ASIC2: variants seen among roughly 807,000 people sequenced by gnomAD.
ASIC2 encodes acid sensing ion channel subunit 2.
Under a neutral mutation model 57.3 loss-of-function variants are expected in ASIC2, and 25 were observed. That is an observed-to-expected ratio of 0.44 (90% CI 0.32 to 0.61). The LOEUF is 0.61. ASIC2 is among the 20% of genes least tolerant of loss of function. ASIC2 has a pLI of 0.06. For synonymous variants in ASIC2, 319 were observed against 307.5 expected (o/e 1.04, Z -0.39); for missense variants, 641 against 738.1 (o/e 0.87, Z 1.52).
chr17:33,884,162 G>T (rs1914769508), intron 1 of ASIC2, among the ~76,000 whole-genome samples: 1 of 152,196 alleles, frequency 6.6e-6, no homozygotes, highest in South Asian at 2.1e-4. Context: ...GGGCTCTCTT[G>T]CTCTTTGGCT....
At chr17:33,405,269 C>T (rs1237532756) in intron 1 of ASIC2, among the ~76,000 whole-genome samples, 1 of 151,948 alleles carries the variant, frequency 6.6e-6, no homozygotes, top group Admixed American at 6.6e-5. Flanking sequence ...TGGTAGGGGG[C>T]TGCTTTGGAT....
At chr17:33,725,327 T>A (rs1233411935) in intron 1 of ASIC2, among the ~76,000 whole-genome samples, 3 of 152,216 alleles carry the variant, frequency 2.0e-5, no homozygotes, top group Non-Finnish European at 2.9e-5. Flanking sequence ...AAAGCCATAA[T>A]GACAACATTA....
chr17:34,004,646 T>C (rs1484373451), intron 1 of ASIC2: 1 of 152,174 alleles, frequency 6.6e-6, no homozygotes, highest in Non-Finnish European at 1.5e-5. Context: ...TCTGCTTCTG[T>C]TTAGTGAGAA....
chr17:34,141,143 G>A (rs186204206), intron 1 of ASIC2, among the ~76,000 whole-genome samples: 39 of 132,638 alleles, frequency 2.9e-4, no homozygotes, highest in African/African-American at 1.1e-3. Flanking sequence ...TGTGCAAGAT[G>A]ACTGGCCTTG....
chr17:33,169,373 C>T (rs1905422509), intron 1 of ASIC2, among the ~76,000 whole-genome samples: 1 of 152,110 alleles, frequency 6.6e-6, no homozygotes, highest in Admixed American at 6.5e-5. Flanking sequence ...AGCATTTGAA[C>T]AAAACAATAA....
At chr17:33,799,439 T>TTCC (rs1383734169) in intron 1 of ASIC2, among the ~76,000 whole-genome samples, 4 of 59,046 alleles carry the variant, frequency 6.8e-5, no homozygotes, top group African/African-American at 2.4e-4. Flanking sequence ...TCTTTCTTTC[T>TTCC]TTCTTTCTTT....
At chr17:33,951,560 C>CT (rs1904566802) in intron 1 of ASIC2, among the ~76,000 whole-genome samples, 1 of 151,080 alleles carries the variant, frequency 6.6e-6, no homozygotes, top group Admixed American at 6.6e-5. Context: ...ATTCTTCCCT[C>CT]TTTTTTCTTT....
At chr17:33,707,884 A>G (rs1472005953) in intron 1 of ASIC2, among the ~76,000 whole-genome samples, 2 of 151,726 alleles carry the variant, frequency 1.3e-5, no homozygotes, top group African/African-American at 4.8e-5. Context: ...TATCTGTAAG[A>G]CTCTTCTCTC....
chr17:33,187,905 G>GAAAAAAAA (rs60454518), intron 1 of ASIC2, among the ~76,000 whole-genome samples: 3 of 90,716 alleles, frequency 3.3e-5, no homozygotes, highest in Non-Finnish European at 5.1e-5. Context: ...GGTCAGGGAT[G>GAAAAAAAA]AAAAAAAAAA....
At position 33,495,027 on chromosome 17, in the gene ASIC2, G is replaced by A. The variant is rs527922170; in HGVS notation, c.556-382960C>T. ...CATCAGAACCACCTGCAAAGAAGAA[G>A]TGAATTGAATTAAAGGTTTCTGGAG... On this transcript the variant is annotated intron_variant, in intron 1 of 9. Transcript: ENST00000359872. 1.4e-4 allele frequency among the ~76,000 whole-genome samples: 21 copies of A among 152,318 alleles called. No homozygotes were observed. In the South Asian group the frequency reaches 3.5e-3, roughly 26 times the overall value.
intron 1 of ASIC2, among the ~76,000 whole-genome samples, chr17:33,898,220 CTTT>C (rs771624171): frequency 9.1e-5 from 6 of 66,178 alleles, no homozygotes; most frequent in African/African-American, 3.6e-4. Context: ...CATGTATAAT[CTTT>C]TTTTTTTTTT....
At chr17:33,579,552 A>T (rs1406883826) in intron 1 of ASIC2, among the ~76,000 whole-genome samples, 1 of 152,154 alleles carries the variant, frequency 6.6e-6, no homozygotes. Context: ...TTCAAGAATG[A>T]AAGGGCAGAC....
intron 1 of ASIC2, among the ~76,000 whole-genome samples, chr17:33,317,558 C>T (rs907892636): frequency 6.6e-6 from 1 of 152,176 alleles, no homozygotes; most frequent in East Asian, 1.9e-4. Flanking sequence ...TTCCTTTCCA[C>T]CCAAATGACT....
At chr17:33,437,617 GAAACCTCGTCTCTACTA>G (rs1434114163) in intron 1 of ASIC2, among the ~76,000 whole-genome samples, 1 of 151,962 alleles carries the variant, frequency 6.6e-6, no homozygotes. Flanking sequence ...GCCTGACAGT[GAAACCTCGTCTCTACTA>G]AAAATACAAA....
chr17:33,721,165 G>A lies in ASIC2; in HGVS notation c.555+434813C>T, dbSNP rs143567267. Among the ~76,000 whole-genome samples the A allele has an allele frequency of 2.6e-3, 394 of 152,314 alleles. 3 individuals are homozygous for A. Among genetic ancestry groups the A allele is most frequent in the African/African-American group, 8.9e-3 (371 of 41,576 alleles). On this transcript the variant is annotated intron_variant, in intron 1 of 9. Transcript: ENST00000359872. ...TGGTGTTGTGTGGAACTCAAGAAATGAGAAGAGCAAATAACTTGTTGCACA... is the reference window on the plus strand; with the variant it reads ...TGGTGTTGTGTGGAACTCAAGAAATAAGAAGAGCAAATAACTTGTTGCACA...
Position 33,820,441 on chromosome 17 carries a change from T to G in ASIC2, c.555+335537A>C, listed in dbSNP as rs73986798. Among the ~76,000 whole-genome samples, 141 of 152,316 alleles carry G rather than the reference T, an allele frequency of 9.3e-4. 2 individuals carry two copies. The highest frequency in any genetic ancestry group is 3.3e-3 in the African/African-American group (138 of 41,582). Reference sequence around the variant, plus strand: ...TGAACTGATGACATGTTGAAATATTTTGGATATATTGGGTTAAATAAAATA... The same window carrying G: ...TGAACTGATGACATGTTGAAATATTGTGGATATATTGGGTTAAATAAAATA... On this transcript the variant is annotated intron_variant, in intron 1 of 9. Coordinates refer to the ASIC2 transcript ENST00000359872.
intron 1 of ASIC2, among the ~76,000 whole-genome samples, chr17:33,126,546 A>G (rs2142001970): frequency 6.6e-6 from 1 of 152,240 alleles, no homozygotes; most frequent in Non-Finnish European, 1.5e-5. Context: ...GCACTTTGGG[A>G]GGCTGAGGTG....
At chr17:33,398,854 T>C (rs1197530245) in intron 1 of ASIC2, among the ~76,000 whole-genome samples, 1 of 152,202 alleles carries the variant, frequency 6.6e-6, no homozygotes, top group African/African-American at 2.4e-5. Flanking sequence ...TCAAGTCTTA[T>C]TGTCCAGAAG....
rs558970744 is a variant in ASIC2 at position 33,835,478 on chromosome 17, CCCT to C, written c.555+320497_555+320499del. 1.1e-3 allele frequency among the ~76,000 whole-genome samples: 174 copies of C among 152,262 alleles called. 1 individual carries two copies. The highest frequency in any genetic ancestry group is 4.1e-3 in the African/African-American group (170 of 41,538). ...CAGGTCATCTTAATTATTATTTACT[CCCT>C]CCTCCTCTCACCTGCATTTCTGTTC... On this transcript the variant is annotated intron_variant, in intron 1 of 9. Coordinates refer to the ASIC2 transcript ENST00000359872.
Sources: allele counts gnomAD v4.1 joint callset (sites outside exome capture counted in the v4.1 genomes callset), GRCh38; gene constraint gnomAD v4.1.1; transcripts MANE v1.5; gene names NCBI Gene and HGNC (gene_info 2026-07-23, HGNC 2026-07-21).